The following SDK1 variants were observed in gnomAD, a reference collection of about 807,000 sequenced individuals.
The protein encoded by SDK1 is protein sidekick-1.
A neutral mutation model predicts 245.5 loss-of-function variants in SDK1; 157 were observed. The ratio of observed to expected loss-of-function variants is 0.64; its 90% CI spans 0.56 to 0.73. SDK1 has a LOEUF of 0.73. SDK1 is among the 30% of genes least tolerant of loss of function. The pLI is 0.00. For missense variants in SDK1, 3,583 were observed against 3,002.3 expected, an observed-to-expected ratio of 1.19 and a Z score of -4.52; for synonymous variants, 1,647 against 1,278.5, an observed-to-expected ratio of 1.29 and a Z score of -6.15.
chr7:3,994,294 A>G (rs934184280), intron 14 of SDK1, among the ~76,000 whole-genome samples: 1 of 152,000 alleles, frequency 6.6e-6, no homozygotes, highest in Non-Finnish European at 1.5e-5. Context: ...TCAGACTCCA[A>G]CTCTAAAATA....
chr7:3,660,285 A>G (rs1283375206), intron 4 of SDK1, among the ~76,000 whole-genome samples: 1 of 152,030 alleles, frequency 6.6e-6, no homozygotes, highest in Admixed American at 6.6e-5. Context: ...GGTAGCCAGG[A>G]GGGCCCAATA....
chr7:3,689,377 A>G (rs1250983540), intron 4 of SDK1, among the ~76,000 whole-genome samples: 1 of 152,126 alleles, frequency 6.6e-6, no homozygotes, highest in African/African-American at 2.4e-5. Flanking sequence ...TTATAGGTGT[A>G]GCTACCATCC....
intron 30 of SDK1, among the ~76,000 whole-genome samples, chr7:4,158,170 C>T (rs1384359727): frequency 1.3e-5 from 2 of 152,206 alleles, no homozygotes; most frequent in Non-Finnish European, 2.9e-5. Context: ...CTCTGTGCAG[C>T]TCCTTTCTCC....
chr7:3,808,113 A>C (rs1344216284), intron 4 of SDK1, among the ~76,000 whole-genome samples: 1 of 152,188 alleles, frequency 6.6e-6, no homozygotes, highest in Admixed American at 6.5e-5. Flanking sequence ...GGTTGCTGCA[A>C]GGGAATTTGA....
Position 3,301,517 on chromosome 7 carries a change from C to T in SDK1, c.-70C>T, listed in dbSNP as rs1433884477. On this transcript the variant is annotated 5_prime_UTR_variant, in exon 1 of 45. Coordinates refer to ENST00000404826, the MANE Select transcript of SDK1 (RefSeq NM_152744.4). ...GCCTCCCGCGGAGTGGCCGCGCCCGCTCGGAGCCGTCCCGCCTGTCCTGCC... is the reference window on the plus strand; with the variant it reads ...GCCTCCCGCGGAGTGGCCGCGCCCGTTCGGAGCCGTCCCGCCTGTCCTGCC... 3.7e-5 allele frequency: 20 copies of T among 545,686 alleles called. 1 individual carries two copies. The South Asian group carries it at 1.5e-3, about 41-fold the overall frequency. 33.8% of individuals were successfully genotyped at this position (545,686 alleles called of 1,614,324 possible). A position where few individuals can be genotyped will look rare whatever the true frequency, so the allele number is the denominator to read the frequency against.
intron 1 of SDK1, among the ~76,000 whole-genome samples, chr7:3,390,180 CTG>C (rs1393118154): frequency 6.6e-6 from 1 of 152,178 alleles, no homozygotes; most frequent in Non-Finnish European, 1.5e-5. Context: ...GAAATTCTAA[CTG>C]TGGTCTGCAG....
intron 5 of SDK1, among the ~76,000 whole-genome samples, chr7:3,927,466 T>G (rs1779811725): frequency 6.6e-6 from 1 of 152,148 alleles, no homozygotes. Flanking sequence ...TCTCCTGTAG[T>G]AAAGGGGAAC....
At chr7:3,630,264 A>T (rs573547072) in intron 2 of SDK1, among the ~76,000 whole-genome samples, 1 of 152,240 alleles carries the variant, frequency 6.6e-6, no homozygotes, top group Non-Finnish European at 1.5e-5. Flanking sequence ...AGCCAGTGCA[A>T]TAAGGCAAGA....
intron 1 of SDK1, among the ~76,000 whole-genome samples, chr7:3,572,566 C>T (rs1008335476): frequency 1.3e-5 from 2 of 152,002 alleles, no homozygotes; most frequent in East Asian, 1.9e-4. Flanking sequence ...CCTAGCAAAT[C>T]GTCTCACTGT....
At chr7:3,418,145 G>GAAA (rs200914826) in intron 1 of SDK1, among the ~76,000 whole-genome samples, 5,986 of 119,252 alleles carry the variant, frequency 0.05, 342 homozygotes, top group East Asian at 0.093. Flanking sequence ...TACTAAAAAT[G>GAAA]AAAAAAAAAA....
At chr7:3,789,170 G>A (rs1047077799) in intron 4 of SDK1, among the ~76,000 whole-genome samples, 5 of 151,666 alleles carry the variant, frequency 3.3e-5, no homozygotes, top group African/African-American at 7.3e-5. Flanking sequence ...TTTTTTGGAC[G>A]GAGTTTCACT....
intron 5 of SDK1, among the ~76,000 whole-genome samples, chr7:3,824,682 T>G (rs1779728488): frequency 6.6e-6 from 1 of 152,162 alleles, no homozygotes; most frequent in Non-Finnish European, 1.5e-5. Context: ...ACCTTGTACT[T>G]GAGAGTTCAA....
At chr7:4,142,097 T>A (rs1045896966) in intron 28 of SDK1, among the ~76,000 whole-genome samples, 1 of 152,124 alleles carries the variant, frequency 6.6e-6, no homozygotes, top group Non-Finnish European at 1.5e-5. Flanking sequence ...GAAATCTTTT[T>A]AGCCACTTGT....
intron 35 of SDK1, among the ~76,000 whole-genome samples, chr7:4,184,213 C>T (rs1351242998): frequency 6.6e-6 from 1 of 152,238 alleles, no homozygotes; most frequent in Non-Finnish European, 1.5e-5. Context: ...CAGAGCACCA[C>T]AAACTCGTGG....
intron 1 of SDK1, among the ~76,000 whole-genome samples, chr7:3,446,209 A>G (rs1044626735): frequency 3.3e-5 from 5 of 152,136 alleles, no homozygotes; most frequent in South Asian, 2.1e-4. Flanking sequence ...TCAAGCAGCT[A>G]CTATGTGCTT....
At chr7:4,020,940 G>C (rs1037874178) in intron 17 of SDK1, among the ~76,000 whole-genome samples, 1 of 152,212 alleles carries the variant, frequency 6.6e-6, no homozygotes, top group East Asian at 1.9e-4. Context: ...CCAGCACTGT[G>C]GCTTTGTCTG....
intron 31 of SDK1, among the ~76,000 whole-genome samples, chr7:4,159,165 G>A (rs1418311225): frequency 6.6e-6 from 1 of 152,224 alleles, no homozygotes; most frequent in Non-Finnish European, 1.5e-5. Flanking sequence ...TCACCCAGCA[G>A]CGTTTCATCA....
At chr7:3,506,242 T>C (rs1782389087) in intron 1 of SDK1, among the ~76,000 whole-genome samples, 1 of 152,134 alleles carries the variant, frequency 6.6e-6, no homozygotes. Context: ...ATTTTCATTG[T>C]ATGTAGGATT....
chr7:3,757,041 T>G (rs962093788), intron 4 of SDK1, among the ~76,000 whole-genome samples: 2 of 152,142 alleles, frequency 1.3e-5, no homozygotes, highest in Non-Finnish European at 1.5e-5. Context: ...TGTTTTTCCA[T>G]ACTGATTCTC....
Sources: allele counts gnomAD v4.1 joint callset (sites outside exome capture counted in the v4.1 genomes callset), GRCh38; gene constraint gnomAD v4.1.1; transcripts MANE v1.5; gene names NCBI Gene and HGNC (gene_info 2026-07-23, HGNC 2026-07-21).